Variants in SLC38A4 observed in about 807,000 individuals in gnomAD.
SLC38A4 encodes sodium-coupled neutral amino acid transporter 4.
A neutral mutation model predicts 63.1 loss-of-function variants in SLC38A4; 20 were observed. The ratio of observed to expected loss-of-function variants is 0.32; its 90% CI spans 0.22 to 0.46. The LOEUF (loss-of-function observed/expected upper bound fraction) is 0.46, where lower values mean the gene tolerates loss of function less well. SLC38A4 is among the 20% of genes least tolerant of loss of function. The pLI, the probability that SLC38A4 is intolerant of heterozygous loss-of-function variation, is 1.00. For synonymous variants in SLC38A4, 230 were observed against 225.5 expected (o/e 1.02, Z -0.18); for missense variants, 526 against 663.6 (o/e 0.79, Z 2.28).
chr12:46,827,063 A>G (rs1186217360), upstream of SLC38A4, among the ~76,000 whole-genome samples: 2 of 152,240 alleles, frequency 1.3e-5, no homozygotes, highest in African/African-American at 4.8e-5. Context: ...AGGGGAAACA[A>G]GGGAACTGAG....
At chr12:46,815,173 A>G (rs568149687) in intron 1 of SLC38A4, among the ~76,000 whole-genome samples, 2 of 150,118 alleles carry the variant, frequency 1.3e-5, no homozygotes, top group East Asian at 3.9e-4. Context: ...GATGTATATG[A>G]GATAGTATAC....
chr12:46,773,730 T>G (rs1404949758), intron 14 of SLC38A4, among the ~76,000 whole-genome samples: 6 of 152,062 alleles, frequency 3.9e-5, no homozygotes, highest in Admixed American at 1.3e-4. Flanking sequence ...CTAGTTGAAC[T>G]GTTACCAGCT....
chr12:46,823,194 G>C (rs1350072953), intron 1 of SLC38A4, among the ~76,000 whole-genome samples: 1 of 152,072 alleles, frequency 6.6e-6, no homozygotes, highest in Non-Finnish European at 1.5e-5. Flanking sequence ...AACAGTATAA[G>C]AGCGGTATGC....
rs557647252 is a variant in SLC38A4, at chr12:46,802,099, A to G, written c.-113+1504T>C. ...ATATAAGAATTAAAGCAGCCATTTG[A>G]TGAGGTATAAAGGACTGGTCATAAG... On this transcript the variant is annotated intron_variant, in intron 2 of 16. Coordinates refer to ENST00000266579, the MANE Select transcript of SLC38A4 (RefSeq NM_018018.5). Among the ~76,000 whole-genome samples the G allele has an allele frequency of 2.5e-4, 38 of 152,170 alleles. No homozygotes were observed. In the South Asian group the frequency reaches 7.9e-3, roughly 32 times the overall value.
chr12:46,774,596 C>A (rs762760634), intron 14 of SLC38A4, among the ~76,000 whole-genome samples: 3 of 152,000 alleles, frequency 2.0e-5, no homozygotes, highest in Non-Finnish European at 4.4e-5. Context: ...TTTTCATTAG[C>A]CTTCAAGGCA....
intron 1 of SLC38A4, among the ~76,000 whole-genome samples, chr12:46,810,663 A>G (rs1939322616): frequency 6.6e-6 from 1 of 151,940 alleles, no homozygotes; most frequent in South Asian, 2.1e-4. Context: ...GGAAATGTAG[A>G]TAGTGTCTAT....
In SLC38A4 at chr12:46,818,088, G is replaced by T. The variant is rs1245236955; in HGVS notation, c.-305+7815C>A. ...TTTGACTTTCATCTTGGGAAAATAA[G>T]ACCTGCATGTTCATCTGTCATTGTA... On this transcript the variant is annotated intron_variant, in intron 1 of 16. Coordinates refer to ENST00000266579, the MANE Select transcript of SLC38A4 (RefSeq NM_018018.5). Among the ~76,000 whole-genome samples, 4 of 151,872 alleles carry T rather than the reference G, an allele frequency of 2.6e-5. No homozygotes were observed. In the South Asian group the frequency reaches 8.3e-4, roughly 31 times the overall value.
chr12:46,814,682 G>A (rs1012727572), intron 1 of SLC38A4, among the ~76,000 whole-genome samples: 2 of 151,884 alleles, frequency 1.3e-5, no homozygotes, highest in African/African-American at 2.4e-5. Flanking sequence ...AATATAAGAC[G>A]TTTTTAATCA....
At chr12:46,783,952 A>G (rs1938702268) in intron 7 of SLC38A4, among the ~76,000 whole-genome samples, 2 of 151,990 alleles carry the variant, frequency 1.3e-5, no homozygotes, top group South Asian at 4.2e-4. Context: ...AAATATATAT[A>G]TATATTTCTA....
chr12:46,794,070 A>T (rs1938951179), intron 2 of SLC38A4, among the ~76,000 whole-genome samples: 1 of 152,166 alleles, frequency 6.6e-6, no homozygotes, highest in Non-Finnish European at 1.5e-5. Flanking sequence ...TAGGAGAAAC[A>T]CTATCATTCT....
At chr12:46,773,984 C>T (rs1938473636) in intron 14 of SLC38A4, among the ~76,000 whole-genome samples, 1 of 151,918 alleles carries the variant, frequency 6.6e-6, no homozygotes, top group African/African-American at 2.4e-5. Context: ...TATCGTATAC[C>T]TTCTGTTTAT....
intron 10 of SLC38A4, 29 bp from the exon 11 acceptor site, chr12:46,778,805 A>T: frequency 6.3e-7 from 1 of 1,594,394 alleles, no homozygotes; most frequent in Non-Finnish European, 8.6e-7. Context: ...AAAGAAAAAA[A>T]AATCAGCTTT....
At position 46,775,055 on chromosome 12, in the gene SLC38A4, G is replaced by A. The variant is rs1203205885; in HGVS notation, c.1293C>T (p.Leu431=). ...CAAAGTCTTATGTACTTACTGGGAA[G>A]AGGACAATGGGCACAGTTAGTGTTA... ...VAVTLTVPIV[L]FPIRTSVITL... Residue 431 remains leucine (L), a synonymous_variant, in exon 14 of 17, where the codon CTC becomes CTT. Coordinates refer to ENST00000266579, the MANE Select transcript of SLC38A4 (RefSeq NM_018018.5). 6.2e-7 allele frequency: 1 copy of A among 1,612,422 alleles called. No individual in the cohort carries two copies. Among genetic ancestry groups the A allele is most frequent in the Non-Finnish European group, 8.5e-7 (1 of 1,178,926 alleles).
At chr12:46,787,049 G>A (rs1052034261) in intron 5 of SLC38A4, among the ~76,000 whole-genome samples, 2 of 152,212 alleles carry the variant, frequency 1.3e-5, no homozygotes, top group African/African-American at 4.8e-5. Flanking sequence ...AACGTCTGTT[G>A]TTGTCTGTCA....
At chr12:46,772,116 G>A (rs1371887661) in intron 14 of SLC38A4, among the ~76,000 whole-genome samples, 1 of 148,064 alleles carries the variant, frequency 6.8e-6, no homozygotes, top group Non-Finnish European at 1.5e-5. Flanking sequence ...GGAAGTGAGA[G>A]TCTTAGTTCT....
intron 10 of SLC38A4, 93 bp from the exon 11 acceptor site, chr12:46,778,869 G>A: frequency 8.7e-7 from 1 of 1,145,192 alleles, no homozygotes; most frequent in South Asian, 1.5e-5. Context: ...AGGGTGGGGG[G>A]TGAGGGAACT....
intron 13 of SLC38A4, 138 bp downstream of exon 13, chr12:46,776,765 TA>T: frequency 1.5e-6 from 1 of 666,976 alleles, no homozygotes; most frequent in Non-Finnish European, 2.6e-6. Flanking sequence ...GTGACAAAAC[TA>T]AAATAGTATA....
At chr12:46,769,106 A>G (rs2465582) in intron 15 of SLC38A4, among the ~76,000 whole-genome samples, 178 bp downstream of exon 15, 102,339 of 151,884 alleles carry the variant, frequency 0.67, 36,275 homozygotes, top group Middle Eastern at 0.81. Context: ...GTGGCTCCCA[A>G]TGTCAGTTAG....
chr12:46,788,717 A>G, intron 3 of SLC38A4, 99 bp from the exon 4 acceptor site: 1 of 1,078,734 alleles, frequency 9.3e-7, no homozygotes, highest in Non-Finnish European at 1.4e-6. Flanking sequence ...GAATCAGAGG[A>G]GGGGAAATAA....
Sources: allele counts gnomAD v4.1 joint callset (sites outside exome capture counted in the v4.1 genomes callset), GRCh38; gene constraint gnomAD v4.1.1; transcripts MANE v1.5; gene names NCBI Gene and HGNC (gene_info 2026-07-23, HGNC 2026-07-21).